Variants in MCM9 observed in about 807,000 individuals in gnomAD.
MCM9 encodes minichromosome maintenance 9 homologous recombination repair factor.
A neutral mutation model predicts 72.8 loss-of-function variants in MCM9; 55 were observed. The ratio of observed to expected loss-of-function variants is 0.76; its 90% CI spans 0.61 to 0.95. MCM9 has a LOEUF of 0.95. Ranked by LOEUF, MCM9 falls within the 40% of genes least tolerant of loss-of-function variation. MCM9 has a pLI of 0.00. For missense variants in MCM9, 1,279 were observed against 1,377.0 expected (o/e 0.93, Z 1.13); for synonymous variants, 480 against 503.4 (o/e 0.95, Z 0.62).
intron 6 of MCM9, among the ~76,000 whole-genome samples, chr6:118,913,757 G>A (rs141453845): frequency 3.6e-4 from 54 of 152,036 alleles, no homozygotes; most frequent in East Asian, 2.9e-3. Context: ...GCAGCACCAC[G>A]CCCAGCTAAT....
chr6:118,816,787 C>T (rs1773435680), intron 13 of MCM9, among the ~76,000 whole-genome samples: 2 of 152,194 alleles, frequency 1.3e-5, no homozygotes. Flanking sequence ...TCTCACATCT[C>T]TTTACCCAGT....
intron 8 of MCM9, chr6:118,905,674 T>G: frequency 6.2e-7 from 1 of 1,612,948 alleles, no homozygotes; most frequent in Non-Finnish European, 8.5e-7. Context: ...AATCCAGGAC[T>G]CATTCCAGAT....
Position 118,815,268 on chromosome 6 carries a change from C to G in MCM9, c.2988G>C (p.Gln996His), listed in dbSNP as rs1373476703. The change falls in exon 14 of 14, where the codon CAG becomes CAC. Residue 996 changes from glutamine (Q) to histidine (H), a missense_variant. Physicochemically the swap from Gln to His is conservative, Grantham distance 24. Coordinates refer to ENST00000619706, the MANE Select transcript of MCM9 (RefSeq NM_017696.3). ...PQGETKEVSQ[Q>H]PPEKHGPREK... ...CTCTTGGTCCGTGTTTCTCTGGTGG[C>G]TGCTGCGACACCTCCTTTGTCTCAC... 1 of 1,550,684 alleles carries G rather than the reference C, an allele frequency of 6.4e-7. No homozygotes were observed. Among genetic ancestry groups the G allele is most frequent in the East Asian group, 2.4e-5 (1 of 40,902 alleles).
At chr6:118,843,122 G>A (rs893604211) in intron 9 of MCM9, among the ~76,000 whole-genome samples, 4 of 152,000 alleles carry the variant, frequency 2.6e-5, no homozygotes, top group Non-Finnish European at 2.9e-5. Flanking sequence ...AATCATATTG[G>A]CCTCTCCCAG....
intron 9 of MCM9, among the ~76,000 whole-genome samples, chr6:118,830,146 T>G (rs547762032): frequency 1.3e-5 from 2 of 152,336 alleles, no homozygotes; most frequent in East Asian, 3.9e-4. Flanking sequence ...GGGCTAGTTC[T>G]CAAAATAATG....
At chr6:118,833,712 T>C (rs984926683) in intron 9 of MCM9, among the ~76,000 whole-genome samples, 10 of 152,082 alleles carry the variant, frequency 6.6e-5, no homozygotes, top group African/African-American at 2.2e-4. Flanking sequence ...TCCACTTACC[T>C]GTGAAATACC....
chr6:118,826,091 C>A, intron 13 of MCM9, 56 bp downstream of exon 13: 1 of 1,517,722 alleles, frequency 6.6e-7, no homozygotes, highest in Non-Finnish European at 8.8e-7. Flanking sequence ...CTTTGTTTCA[C>A]TAAATGCCAA....
chr6:118,820,228 AGT>A lies in MCM9; in HGVS notation c.1962-3936_1962-3935del, dbSNP rs528999284. Reference sequence around the variant, plus strand: ...ATTGTGATGTTAGGGTGTCAATTTTAGTTCTTTCCCTCTTTCTCCTGAGGGCG... The same window carrying A: ...ATTGTGATGTTAGGGTGTCAATTTTATCTTTCCCTCTTTCTCCTGAGGGCG... On this transcript the variant is annotated intron_variant, in intron 13 of 13. Coordinates refer to ENST00000619706, the MANE Select transcript of MCM9 (RefSeq NM_017696.3). Among the ~76,000 whole-genome samples the A allele has an allele frequency of 1.8e-4, 28 of 152,194 alleles. No individual in the cohort carries two copies. The East Asian group carries it at 5.0e-3, about 27-fold the overall frequency.
At chr6:118,829,494 C>T (rs574733243) in intron 9 of MCM9, among the ~76,000 whole-genome samples, 1 of 152,180 alleles carries the variant, frequency 6.6e-6, no homozygotes, top group Non-Finnish European at 1.5e-5. Flanking sequence ...TATGAGGAGA[C>T]CCCTTTGCTA....
At chr6:118,816,320 C>T (rs2114490361) in intron 13 of MCM9, 26 bp from the exon 14 acceptor site, 6 of 1,478,532 alleles carry the variant, frequency 4.1e-6, no homozygotes, top group Non-Finnish European at 5.4e-6. Context: ...ATAAATAAAA[C>T]ATGTCTTGAA....
chr6:118,845,030 T>C (rs548842058), intron 9 of MCM9, among the ~76,000 whole-genome samples: 1 of 151,852 alleles, frequency 6.6e-6, no homozygotes, highest in Admixed American at 6.5e-5. Flanking sequence ...AGCCAATCAA[T>C]GAACTAGCCA....
intron 8 of MCM9, among the ~76,000 whole-genome samples, chr6:118,895,911 CA>C (rs1234716523): frequency 6.6e-6 from 1 of 151,894 alleles, no homozygotes; most frequent in Admixed American, 6.6e-5. Context: ...AATTATAAAA[CA>C]ATATATATTC....
At chr6:118,854,710 G>C (rs918596119) in intron 9 of MCM9, among the ~76,000 whole-genome samples, 5 of 152,162 alleles carry the variant, frequency 3.3e-5, no homozygotes, top group Admixed American at 2.0e-4. Context: ...AGTTTGCTGA[G>C]AACTTTTATT....
rs1307569454 is a variant in MCM9 at position 118,931,474 on chromosome 6, G to A, written c.250C>T (p.Leu84Phe). Reference protein sequence around the residue: ...RRSALTILQSLSQPEAVSMKQ... With the variant: ...RRSALTILQSFSQPEAVSMKQ... ...ATGGAAACAGCCTCAGGCTGAGAAA[G>A]GGACTGGAGAATTGTCAAGGCTGAC... Residue 84 changes from leucine (L) to phenylalanine (F), a missense_variant, in exon 3 of 14, where the codon CTT (leucine) becomes TTT (phenylalanine). Coordinates refer to ENST00000619706, the MANE Select transcript of MCM9 (RefSeq NM_017696.3). 8.1e-6 allele frequency: 13 copies of A among 1,613,956 alleles called. No homozygotes were observed. Among genetic ancestry groups the A allele is most frequent in the Non-Finnish European group, 1.1e-5 (13 of 1,179,938 alleles).
At chr6:118,817,482 G>A (rs1773485721) in intron 13 of MCM9, among the ~76,000 whole-genome samples, 1 of 152,040 alleles carries the variant, frequency 6.6e-6, no homozygotes, top group Non-Finnish European at 1.5e-5. Flanking sequence ...CCTTTTTTAT[G>A]TCTGCATAGT....
intron 9 of MCM9, among the ~76,000 whole-genome samples, chr6:118,846,062 A>G (rs1775841882): frequency 6.6e-6 from 1 of 151,894 alleles, no homozygotes; most frequent in Admixed American, 6.5e-5. Flanking sequence ...AAAAATATAT[A>G]AAATATACAG....
In MCM9 at chr6:118,843,660, A is replaced by ATATATATGTG. The variant is rs1562407062; in HGVS notation, c.1325+12710_1325+12711insCACATATATA. Among the ~76,000 whole-genome samples, 31 of 76,444 alleles carry ATATATATGTG rather than the reference A, an allele frequency of 4.1e-4. 5 individuals carry two copies. The highest frequency in any genetic ancestry group is 1.2e-3 in the African/African-American group (22 of 18,402). The allele number at this position is 76,444 out of a possible 152,430, so 50.2% of individuals were successfully genotyped here. A position where few individuals can be genotyped will look rare whatever the true frequency, so the allele number is the denominator to read the frequency against. On this transcript the variant is annotated intron_variant, in intron 9 of 13. Coordinates refer to ENST00000619706, the MANE Select transcript of MCM9 (RefSeq NM_017696.3). Reference sequence around the variant, plus strand: ...ACAAAACATATATATATATATGTGTATATATATATGTATGTATATATATAT... The same window carrying ATATATATGTG: ...ACAAAACATATATATATATATGTGTATATATATGTGTATATATATGTATGTATATATATAT...
intron 9 of MCM9, among the ~76,000 whole-genome samples, chr6:118,836,336 G>A (rs1289501995): frequency 6.6e-6 from 1 of 152,216 alleles, no homozygotes; most frequent in African/African-American, 2.4e-5. Flanking sequence ...GCCAGGTTTT[G>A]ATAGCAGAAT....
intron 8 of MCM9, among the ~76,000 whole-genome samples, chr6:118,869,412 TA>T (rs1291774253): frequency 2.0e-5 from 3 of 150,924 alleles, no homozygotes; most frequent in African/African-American, 7.3e-5. Flanking sequence ...AGTATAATAA[TA>T]AAAAAAATTA....
Sources: gnomAD v4.1 joint callset for allele counts (sites outside exome capture counted in the v4.1 genomes callset) on GRCh38, gnomAD v4.1.1 for gene constraint, MANE v1.5 for transcripts, NCBI Gene and HGNC (gene_info 2026-07-23, HGNC 2026-07-21) for gene names.